The following BTG3 variants were observed in gnomAD, a reference collection of about 807,000 sequenced individuals.
The protein encoded by BTG3 is BTG anti-proliferation factor 3, also known as protein BTG3.
In BTG3, 4 loss-of-function variants were observed where a neutral mutation model predicts 25.8. That is an observed-to-expected ratio of 0.16 (90% CI 0.08 to 0.36). The LOEUF (loss-of-function observed/expected upper bound fraction) is 0.36. Among genes scored for constraint, BTG3 ranks in the 10% least tolerant of loss-of-function variants. The pLI is 1.00. For synonymous variants in BTG3, 107 were observed against 99.9 expected (o/e 1.07, Z -0.42); for missense variants, 201 against 304.9 (o/e 0.66, Z 2.54).
At position 17,610,683 on chromosome 21, in the gene BTG3, T is replaced by G. The variant is rs192722501; in HGVS notation, c.-8-1531A>C. Among the ~76,000 whole-genome samples the G allele has an allele frequency of 1.9e-3, 297 of 152,320 alleles. 2 individuals are homozygous for G. Among genetic ancestry groups the G allele is most frequent in the Non-Finnish European group, 7.1e-4 (48 of 68,014 alleles). ...CTGCTGTAACCTGGAGTTATTAAGA[T>G]GCTGCCTTTAGTAAGCAACATCACC... On this transcript the variant is annotated intron_variant, in intron 1 of 4. Coordinates refer to ENST00000348354, the MANE Select transcript of BTG3 (RefSeq NM_006806.5).
rs371455396 is a variant in BTG3 at position 17,598,788 on chromosome 21, G to A, written c.348C>T (p.Ser116=). 4.3e-6 allele frequency: 7 copies of A among 1,614,022 alleles called. No individual in the cohort carries two copies. Among genetic ancestry groups the A allele is most frequent in the Admixed American group, 1.7e-5 (1 of 60,016 alleles). The stretch of plus-strand genomic sequence containing the variant: ...CCTTGTTCTCATCTTTATTTTCAAA[G>A]CTGGCAACAATGAATGCATTGTTTT... ...GEKNNAFIVA[S]FENKDENKDE... is the part of the protein sequence containing the mutation. The change falls in exon 4 of 5, where the codon AGC becomes AGT. Residue 116 remains serine (S), a synonymous_variant. Coordinates refer to ENST00000348354, the MANE Select transcript of BTG3 (RefSeq NM_006806.5).
rs781567034 is a variant in BTG3, at chr21:17,594,111, G to A, written c.741C>T (p.His247=). 1 of 1,613,038 alleles carries A rather than the reference G, an allele frequency of 6.2e-7. No homozygotes were observed. The highest frequency in any genetic ancestry group is 8.5e-7 in the Non-Finnish European group (1 of 1,179,312). ...HCDRNHWINP[H]MLAPH is the part of the protein sequence containing the mutation. ...AACGAAGTTAGTGAGGTGCTAACAT[G>A]TGAGGATTAATCCAGTGATTCCGGT... Residue 247 remains histidine, a synonymous_variant, in exon 5 of 5, where the codon CAC becomes CAT. Coordinates refer to ENST00000348354, the MANE Select transcript of BTG3 (RefSeq NM_006806.5).
chr21:17,610,461 A>C (rs1037869150), intron 1 of BTG3, among the ~76,000 whole-genome samples: 2 of 152,234 alleles, frequency 1.3e-5, no homozygotes, highest in Non-Finnish European at 2.9e-5. Flanking sequence ...GGACATATTT[A>C]AGAAATGGAA....
chr21:17,598,549 T>C (rs189739532), intron 4 of BTG3, 68 bp downstream of exon 4: 2 of 1,348,710 alleles, frequency 1.5e-6, no homozygotes, highest in Non-Finnish European at 2.1e-6. Flanking sequence ...CAATGCCAAG[T>C]AGGACTACCT....
rs1306538690 is a variant in BTG3 at position 17,593,966 on chromosome 21, A to G, written c.*127T>C. On this transcript the variant is annotated 3_prime_UTR_variant, in exon 5 of 5. Coordinates refer to ENST00000348354, the MANE Select transcript of BTG3 (RefSeq NM_006806.5). The stretch of plus-strand genomic sequence containing the variant: ...AAAGATTATTCTCAATAACTTCTAT[A>G]AAAATAAGTTTGATGGTTTGGCCCA... 4 of 1,123,472 alleles carry G rather than the reference A, an allele frequency of 3.6e-6. No homozygotes were observed. Among genetic ancestry groups the G allele is most frequent in the Non-Finnish European group, 4.9e-6 (4 of 816,726 alleles). 69.6% of individuals were successfully genotyped at this position (1,123,472 alleles called of 1,614,324 possible). A position where few individuals can be genotyped will look rare whatever the true frequency, so the allele number is the denominator to read the frequency against.
At chr21:17,596,046 T>G (rs1373230802) in intron 4 of BTG3, among the ~76,000 whole-genome samples, 1 of 152,200 alleles carries the variant, frequency 6.6e-6, no homozygotes, top group East Asian at 1.9e-4. Context: ...ATAACTCCTT[T>G]TGTAAAGTGT....
At position 17,602,971 on chromosome 21, in the gene BTG3, G is replaced by A. The variant is rs563137080; in HGVS notation, c.311+1889C>T. Among the ~76,000 whole-genome samples the A allele has an allele frequency of 5.1e-4, 77 of 152,216 alleles. 4 individuals are homozygous for A. Among genetic ancestry groups the A allele is most frequent in the Non-Finnish European group, 2.5e-4 (17 of 68,000 alleles). The stretch of plus-strand genomic sequence containing the variant: ...TATTTGATTGTGTGATAACATAATC[G>A]TGCTGATTTTTTAGCTTTTTCATTT... On this transcript the variant is annotated intron_variant, in intron 3 of 4. Transcript: ENST00000348354.
At chr21:17,604,065 C>T in intron 3 of BTG3, 1 of 1,171,086 alleles carries the variant, frequency 8.5e-7, no homozygotes, top group Non-Finnish European at 1.1e-6. Context: ...ACTGATCTTT[C>T]ACAACTCTAT....
intron 2 of BTG3, among the ~76,000 whole-genome samples, chr21:17,606,599 A>G (rs1247842145): frequency 6.6e-6 from 1 of 152,030 alleles, no homozygotes; most frequent in East Asian, 1.9e-4. Flanking sequence ...ACAGGCTCTA[A>G]GCTTACAAAT....
At position 17,594,277 on chromosome 21, in the gene BTG3, T is replaced by C. The variant is rs777512668; in HGVS notation, c.575A>G (p.Lys192Arg). 10 of 1,613,086 alleles carry C rather than the reference T, an allele frequency of 6.2e-6. No homozygotes were observed. The South Asian group carries it at 1.1e-4, about 18-fold the overall frequency. The stretch of plus-strand genomic sequence containing the variant: ...GCCATTCCCTCGATACATTCCTGGC[T>C]TTTTTCTGGGCAAAGGGTGCCACAT... ...LPMWHPLPRK[K>R]PGMYRGNGHQ... The change falls in exon 5 of 5, where the codon AAG becomes AGG. Residue 192 changes from lysine (K) to arginine (R), a missense_variant. Around this residue, in one of 2 missense-constraint regions of BTG3, gnomAD observed 131 missense variants for 129.3 expected, o/e 1.01. Coordinates refer to ENST00000348354, the MANE Select transcript of BTG3 (RefSeq NM_006806.5).
intron 2 of BTG3, among the ~76,000 whole-genome samples, chr21:17,606,720 C>T (rs1482468161): frequency 2.0e-5 from 3 of 152,042 alleles, no homozygotes; most frequent in Non-Finnish European, 4.4e-5. Flanking sequence ...CCATTAACTA[C>T]TCTTCAAAAA....
intron 2 of BTG3, among the ~76,000 whole-genome samples, chr21:17,606,682 A>AT (rs933278931): frequency 3.3e-5 from 5 of 151,746 alleles, no homozygotes; most frequent in South Asian, 4.2e-4. Context: ...GTTTTGTACT[A>AT]TTTTTTTTCA....
chr21:17,604,834 T>C, intron 3 of BTG3, 26 bp downstream of exon 3: 2 of 1,606,570 alleles, frequency 1.2e-6, no homozygotes, highest in Non-Finnish European at 1.7e-6. Flanking sequence ...TGGTCATCAG[T>C]TCAGCCTCTA....
chr21:17,597,488 T>C (rs2061519176), intron 4 of BTG3, among the ~76,000 whole-genome samples: 1 of 151,590 alleles, frequency 6.6e-6, no homozygotes, highest in South Asian at 2.1e-4. Flanking sequence ...TCTGGAAGGA[T>C]ACTAAAAAAA....
At chr21:17,607,887 A>G (rs1490585473) in intron 2 of BTG3, among the ~76,000 whole-genome samples, 2 of 152,246 alleles carry the variant, frequency 1.3e-5, no homozygotes, top group African/African-American at 4.8e-5. Flanking sequence ...TACAGTGAGC[A>G]TGCCAGGGCA....
intron 1 of BTG3, among the ~76,000 whole-genome samples, chr21:17,610,295 G>C (rs2061701867): frequency 6.6e-6 from 1 of 152,172 alleles, no homozygotes; most frequent in Non-Finnish European, 1.5e-5. Flanking sequence ...CCATTGAACT[G>C]TACATTTTAA....
intron 2 of BTG3, among the ~76,000 whole-genome samples, chr21:17,608,437 G>A (rs997578961): frequency 6.6e-6 from 1 of 151,650 alleles, no homozygotes; most frequent in Non-Finnish European, 1.5e-5. Context: ...TGGATCACAG[G>A]TGAGTCACAT....
At position 17,598,874 on chromosome 21, in the gene BTG3, C is replaced by A; in HGVS notation, c.312-50G>T. The A allele has an allele frequency of 3.5e-6, 5 of 1,440,944 alleles. No homozygotes were observed. The Admixed American group carries it at 6.4e-5, about 18-fold the overall frequency. 89.3% of individuals were successfully genotyped at this position (1,440,944 alleles called of 1,614,324 possible). A position where few individuals can be genotyped will look rare whatever the true frequency, so the allele number is the denominator to read the frequency against. Reference sequence around the variant, plus strand: ...AAATCTTGAAGTCACATCAGCAAAGCAAAAAATGTCCATAAAAACAAAGAG... The same window carrying A: ...AAATCTTGAAGTCACATCAGCAAAGAAAAAAATGTCCATAAAAACAAAGAG... On this transcript the variant is annotated intron_variant, in intron 3 of 4. Coordinates refer to ENST00000348354, the MANE Select transcript of BTG3 (RefSeq NM_006806.5).
rs76025667 is a variant in BTG3, at chr21:17,599,105, C to A, written c.312-281G>T. On this transcript the variant is annotated intron_variant, in intron 3 of 4. Transcript: ENST00000348354. Reference sequence around the variant, plus strand: ...CTAAAAAAAAAATTGTTTAAAACATCAAAAAAAGTCCATTGTTTTGATTAC... The same window carrying A: ...CTAAAAAAAAAATTGTTTAAAACATAAAAAAAAGTCCATTGTTTTGATTAC... 5.7e-3 allele frequency: 1,795 copies of A among 314,228 alleles called. 34 individuals carry two copies. Among genetic ancestry groups the A allele is most frequent in the East Asian group, 0.048 (838 of 17,398 alleles). 19.5% of individuals were successfully genotyped at this position (314,228 alleles called of 1,614,324 possible). A position where few individuals can be genotyped will look rare whatever the true frequency, so the allele number is the denominator to read the frequency against.
Sources: allele counts gnomAD v4.1 joint callset (sites outside exome capture counted in the v4.1 genomes callset), GRCh38; gene constraint gnomAD v4.1.1; regional missense constraint gnomAD v4.1.1; transcripts MANE v1.5; gene names NCBI Gene and HGNC (gene_info 2026-07-23, HGNC 2026-07-21).